Variants in NRXN1 observed in about 807,000 individuals in gnomAD.
The protein encoded by NRXN1 is neurexin-1.
A neutral mutation model predicts 150.9 loss-of-function variants in NRXN1; 39 were observed. The observed-to-expected ratio is 0.26, with a 90% CI of 0.20 to 0.34. The LOEUF is 0.34. Among genes scored for constraint, NRXN1 ranks in the 10% least tolerant of loss-of-function variants. The pLI, the probability that NRXN1 is intolerant of heterozygous loss-of-function variation, is 1.00. For synonymous variants in NRXN1, 924 were observed against 757.0 expected, an observed-to-expected ratio of 1.22 and a Z score of -3.62; for missense variants, 1,815 against 1,949.9, an observed-to-expected ratio of 0.93 and a Z score of 1.30.
intron 8 of NRXN1, among the ~76,000 whole-genome samples, chr2:50,606,058 G>C (rs1677059037): frequency 6.6e-6 from 1 of 151,960 alleles, no homozygotes; most frequent in Admixed American, 6.6e-5. Flanking sequence ...AGACCAGCCT[G>C]GTCAACATGG....
intron 21 of NRXN1, among the ~76,000 whole-genome samples, chr2:49,995,507 C>T (rs964605704): frequency 1.9e-4 from 29 of 152,078 alleles, no homozygotes; most frequent in African/African-American, 7.0e-4. Flanking sequence ...AGAGGCCGGG[C>T]GCGGTGGCTC....
intron 18 of NRXN1, among the ~76,000 whole-genome samples, chr2:50,151,207 G>A (rs1055085340): frequency 1.3e-5 from 2 of 151,600 alleles, no homozygotes; most frequent in African/African-American, 4.8e-5. Context: ...CCTCAGCTTT[G>A]TTATTTAAGG....
chr2:50,084,192 C>T lies in NRXN1; in HGVS notation c.3718+7131G>A, dbSNP rs186299650. On this transcript the variant is annotated intron_variant, in intron 19 of 22. Coordinates refer to ENST00000401669, the MANE Select transcript of NRXN1 (RefSeq NM_001330078.2). ...CTGGCTTCACCCAGCGTATCCCACA[C>T]GGGGCGGCAGATGGAGCTGCCTGCC... Among the ~76,000 whole-genome samples, 113 of 152,352 alleles carry T rather than the reference C, an allele frequency of 7.4e-4. No individual in the cohort carries two copies. In the East Asian group the frequency reaches 0.015, roughly 20 times the overall value.
chr2:51,031,535 A>G (rs1001258440), intron 1 of NRXN1, among the ~76,000 whole-genome samples: 3 of 152,082 alleles, frequency 2.0e-5, no homozygotes, highest in African/African-American at 7.2e-5. Flanking sequence ...AAGTCTCTCA[A>G]TACCAATGCA....
chr2:50,469,058 A>G (rs2089208247), intron 16 of NRXN1, among the ~76,000 whole-genome samples: 1 of 151,586 alleles, frequency 6.6e-6, no homozygotes, highest in African/African-American at 2.4e-5. Flanking sequence ...CTACATAAAC[A>G]GAAAAAAGCC....
chr2:50,239,558 A>G (rs773691105), intron 17 of NRXN1, among the ~76,000 whole-genome samples: 1 of 148,438 alleles, frequency 6.7e-6, no homozygotes, highest in South Asian at 2.1e-4. Context: ...CTTCCATGCT[A>G]TATCTGAGGA....
chr2:50,586,904 C>A (rs1673210533), intron 8 of NRXN1, among the ~76,000 whole-genome samples: 1 of 152,090 alleles, frequency 6.6e-6, no homozygotes, highest in Admixed American at 6.5e-5. Flanking sequence ...CTGGTTTATG[C>A]TAGAAAATAA....
intron 17 of NRXN1, among the ~76,000 whole-genome samples, chr2:50,252,817 T>C (rs1574755988): frequency 1.3e-5 from 2 of 152,158 alleles, no homozygotes; most frequent in South Asian, 4.1e-4. Flanking sequence ...ACTGTAGCCT[T>C]GTAGTATAGT....
At chr2:50,522,846 C>T (rs1469347235) in intron 12 of NRXN1, among the ~76,000 whole-genome samples, 1 of 149,918 alleles carries the variant, frequency 6.7e-6, no homozygotes, top group Admixed American at 6.7e-5. Flanking sequence ...ATTCTCCTGC[C>T]TCAGCCTCCC....
chr2:50,775,681 G>A (rs180770809), intron 5 of NRXN1, among the ~76,000 whole-genome samples: 2 of 152,182 alleles, frequency 1.3e-5, no homozygotes, highest in Non-Finnish European at 2.9e-5. Flanking sequence ...ACAAACAGAA[G>A]TCTTCCCAAA....
At chr2:50,685,023 T>C (rs10197512) in intron 5 of NRXN1, among the ~76,000 whole-genome samples, 139,946 of 152,252 alleles carry the variant, frequency 0.92, 64,526 homozygotes, top group African/African-American at 0.98. Context: ...TATTCAGTTG[T>C]TTTTCATAAT....
chr2:50,823,077 AC>A (rs912105941), intron 5 of NRXN1, among the ~76,000 whole-genome samples: 2 of 152,204 alleles, frequency 1.3e-5, no homozygotes, highest in Non-Finnish European at 2.9e-5. Flanking sequence ...AGACCTGGGC[AC>A]CATTACGATT....
At chr2:50,154,245 G>A (rs4971650) in intron 18 of NRXN1, among the ~76,000 whole-genome samples, 25,283 of 151,272 alleles carry the variant, frequency 0.17, 2,587 homozygotes, top group East Asian at 0.36. Flanking sequence ...AAAAGACTAC[G>A]CATTGAGTAC....
intron 17 of NRXN1, among the ~76,000 whole-genome samples, chr2:50,298,067 A>G (rs2073793217): frequency 6.6e-6 from 1 of 152,006 alleles, no homozygotes; most frequent in African/African-American, 2.4e-5. Context: ...AAAATATTCA[A>G]TATTAATATT....
chr2:50,408,848 TC>T (rs2082943253), intron 17 of NRXN1, among the ~76,000 whole-genome samples: 1 of 85,934 alleles, frequency 1.2e-5, no homozygotes, highest in Admixed American at 1.2e-4. Flanking sequence ...TCTCTCTCTC[TC>T]TCTCTCTCTC....
chr2:50,213,261 T>A (rs1217009955), intron 18 of NRXN1, among the ~76,000 whole-genome samples: 1 of 151,920 alleles, frequency 6.6e-6, no homozygotes, highest in Non-Finnish European at 1.5e-5. Flanking sequence ...TATACAGAAG[T>A]GAACCAGACA....
intron 5 of NRXN1, among the ~76,000 whole-genome samples, chr2:50,640,447 G>A (rs149112663): frequency 1.3e-5 from 2 of 152,164 alleles, no homozygotes; most frequent in African/African-American, 4.8e-5. Context: ...CAGGAAACTG[G>A]CATATTTTCT....
At chr2:50,255,715 T>C (rs889340265) in intron 17 of NRXN1, among the ~76,000 whole-genome samples, 1 of 152,180 alleles carries the variant, frequency 6.6e-6, no homozygotes, top group Non-Finnish European at 1.5e-5. Flanking sequence ...AAATTTTAAT[T>C]CATTTTAAAT....
At chr2:50,969,855 ATG>A (rs1395181231) in intron 2 of NRXN1, among the ~76,000 whole-genome samples, 1 of 152,188 alleles carries the variant, frequency 6.6e-6, no homozygotes, top group East Asian at 1.9e-4. Flanking sequence ...ATATGTATAT[ATG>A]GGAGCCTTCG....
Sources: gnomAD v4.1 joint callset for allele counts (sites outside exome capture counted in the v4.1 genomes callset) on GRCh38, gnomAD v4.1.1 for gene constraint, MANE v1.5 for transcripts, NCBI Gene and HGNC (gene_info 2026-07-23, HGNC 2026-07-21) for gene names.